ANKRD12: variants seen among roughly 807,000 people sequenced by gnomAD.
ANKRD12 encodes the protein ankyrin repeat domain 12, also known as ankyrin repeat domain-containing protein 12.
In ANKRD12, 85 loss-of-function variants were observed where a neutral mutation model predicts 183.4. That is an observed-to-expected ratio of 0.46 (90% CI 0.39 to 0.56). The LOEUF (loss-of-function observed/expected upper bound fraction) is 0.56. Ranked by LOEUF, ANKRD12 falls within the 20% of genes least tolerant of loss-of-function variation. ANKRD12 has a pLI of 0.00. For missense variants in ANKRD12, 2,405 were observed against 2,357.1 expected, an observed-to-expected ratio of 1.02 and a Z score of -0.42; for synonymous variants, 914 against 800.2, an observed-to-expected ratio of 1.14 and a Z score of -2.40.
intron 1 of ANKRD12, 42 bp from the exon 2 acceptor site, chr18:9,182,340 G>C: frequency 1.4e-5 from 11 of 758,676 alleles, no homozygotes; most frequent in East Asian, 6.0e-5. Flanking sequence ...GTAACCTATT[G>C]TATATATATT....
At chr18:9,216,229 A>G (rs994725935) in intron 6 of ANKRD12, among the ~76,000 whole-genome samples, 4 of 151,986 alleles carry the variant, frequency 2.6e-5, no homozygotes, top group Non-Finnish European at 5.9e-5. Context: ...TCCCTCTGCC[A>G]CCTCTGAGAC....
At chr18:9,223,257 CTCTT>C (rs990916884) in intron 8 of ANKRD12, among the ~76,000 whole-genome samples, 20 of 147,302 alleles carry the variant, frequency 1.4e-4, no homozygotes, top group African/African-American at 4.6e-4. Flanking sequence ...CCACCTCTCT[CTCTT>C]TTTTTTTTTT....
chr18:9,264,340 C>T (rs1018954845), intron 10 of ANKRD12, among the ~76,000 whole-genome samples: 8 of 152,114 alleles, frequency 5.3e-5, no homozygotes, highest in Non-Finnish European at 1.0e-4. Flanking sequence ...AAACCTTTAT[C>T]GGGTTATTTA....
intron 1 of ANKRD12, among the ~76,000 whole-genome samples, chr18:9,164,485 T>C (rs1321738448): frequency 2.6e-5 from 4 of 152,214 alleles, no homozygotes; most frequent in African/African-American, 7.2e-5. Flanking sequence ...CTTTTAGTTG[T>C]GACATTAGGT....
At position 9,203,997 on chromosome 18, in the gene ANKRD12, A is replaced by G. The variant is rs370104552; in HGVS notation, c.236-479A>G. ...AGTAGTAATCACTGTAGTAATTTAT[A>G]CCATTTGAAGTGTATATAATTTGTG... On this transcript the variant is annotated intron_variant, in intron 3 of 12. Coordinates refer to ENST00000262126, the MANE Select transcript of ANKRD12 (RefSeq NM_015208.5). Among the ~76,000 whole-genome samples, 37 of 152,326 alleles carry G rather than the reference A, an allele frequency of 2.4e-4. No individual in the cohort carries two copies. In the South Asian group the frequency reaches 5.4e-3, roughly 22 times the overall value.
At chr18:9,254,123 GCTA>G (rs1187248077) in intron 8 of ANKRD12, 85 bp from the exon 9 acceptor site, 24 of 1,378,968 alleles carry the variant, frequency 1.7e-5, no homozygotes, top group Non-Finnish European at 2.3e-5. Flanking sequence ...TATTGTATAA[GCTA>G]TATCTTTTTC....
intron 1 of ANKRD12, among the ~76,000 whole-genome samples, chr18:9,153,064 C>T (rs2078736091): frequency 6.6e-6 from 1 of 152,270 alleles, no homozygotes; most frequent in South Asian, 2.1e-4. Context: ...CAACTCCTGA[C>T]CTCAAGCAGT....
At chr18:9,247,442 G>A (rs2038027761) in intron 8 of ANKRD12, among the ~76,000 whole-genome samples, 1 of 152,026 alleles carries the variant, frequency 6.6e-6, no homozygotes, top group Non-Finnish European at 1.5e-5. Flanking sequence ...TCGTGCCACT[G>A]CACTCCAGCC....
chr18:9,165,609 G>C (rs1022807096), intron 1 of ANKRD12, among the ~76,000 whole-genome samples: 12 of 152,124 alleles, frequency 7.9e-5, no homozygotes, highest in African/African-American at 2.9e-4. Context: ...TATAGTATTT[G>C]TCCTTTTGTG....
At chr18:9,184,893 T>C (rs187191971) in intron 2 of ANKRD12, among the ~76,000 whole-genome samples, 74 of 152,180 alleles carry the variant, frequency 4.9e-4, no homozygotes, top group African/African-American at 1.3e-3. Flanking sequence ...ATCTCCTCAG[T>C]TGATCTCACG....
rs770581588 is a variant in ANKRD12, at chr18:9,257,457, C to A, written c.4190C>A (p.Thr1397Asn). 1.9e-6 allele frequency: 3 copies of A among 1,613,972 alleles called. No homozygotes were observed. In the African/African-American group the frequency reaches 4.0e-5, roughly 22 times the overall value. The change falls in exon 9 of 13, where the codon ACT (threonine) becomes AAT (asparagine). Residue 1397 changes from threonine to asparagine, a missense_variant. This residue lies in a region of ANKRD12 where 1,983 missense variants were observed against 1,725.9 expected (regional missense o/e 1.15). Coordinates refer to ENST00000262126, the MANE Select transcript of ANKRD12 (RefSeq NM_015208.5). ...ATCAAGAATACTGCCCCAGTGAACA[C>A]TGTAATGGACAGTCCAGTGCATTTA... ...NLIKNTAPVN[T>N]VMDSPVHLEP...
chr18:9,213,997 T>C (rs1331637089), intron 6 of ANKRD12, among the ~76,000 whole-genome samples: 2 of 152,026 alleles, frequency 1.3e-5, no homozygotes, highest in Admixed American at 6.6e-5. Flanking sequence ...TTAATACTTT[T>C]GTCAAATAAT....
chr18:9,225,388 G>A (rs1285449584), intron 8 of ANKRD12, among the ~76,000 whole-genome samples: 2 of 37,318 alleles, frequency 5.4e-5, no homozygotes, highest in Admixed American at 4.0e-4. Flanking sequence ...GTGGGAGAAT[G>A]TCTTGAGCCC....
In ANKRD12 at chr18:9,156,160, A is replaced by G. The variant is rs1404575451; in HGVS notation, c.-52+19195A>G. 6.6e-5 allele frequency among the ~76,000 whole-genome samples: 10 copies of G among 150,994 alleles called. No homozygotes were observed. The South Asian group carries it at 1.5e-3, about 22-fold the overall frequency. On this transcript the variant is annotated intron_variant, in intron 1 of 12. Transcript: ENST00000262126. ...CTCAAAAAAAAAAAAAAAAAAGAAA[A>G]AGACTTTTGACTTTTATGTCACATT...
intron 2 of ANKRD12, among the ~76,000 whole-genome samples, chr18:9,193,783 T>C (rs1380826590): frequency 6.6e-6 from 1 of 152,240 alleles, no homozygotes; most frequent in African/African-American, 2.4e-5. Context: ...TCACTTATTA[T>C]CATAGCTTGG....
At chr18:9,148,668 C>T (rs192493740) in intron 1 of ANKRD12, among the ~76,000 whole-genome samples, 21 of 152,146 alleles carry the variant, frequency 1.4e-4, no homozygotes, top group African/African-American at 4.8e-4. Context: ...CTTGTTTACT[C>T]TTCCACCCCT....
chr18:9,224,384 G>T (rs2036594186), intron 8 of ANKRD12, among the ~76,000 whole-genome samples: 1 of 151,966 alleles, frequency 6.6e-6, no homozygotes, highest in African/African-American at 2.4e-5. Context: ...TGGTCTAATG[G>T]TATAAAAGTA....
intron 8 of ANKRD12, among the ~76,000 whole-genome samples, chr18:9,239,866 T>G (rs1359268464): frequency 1.3e-5 from 2 of 152,110 alleles, no homozygotes; most frequent in Non-Finnish European, 2.9e-5. Flanking sequence ...TAAGAGGGTA[T>G]CATGTACGTA....
chr18:9,271,077 TTTC>T (rs2039578096), intron 10 of ANKRD12, among the ~76,000 whole-genome samples: 1 of 152,086 alleles, frequency 6.6e-6, no homozygotes, highest in Admixed American at 6.6e-5. Flanking sequence ...CTGCAGGGAT[TTTC>T]TTTTGTTTTT....
Sources: gnomAD v4.1 joint callset for allele counts (sites outside exome capture counted in the v4.1 genomes callset) on GRCh38, gnomAD v4.1.1 for gene constraint, gnomAD v4.1.1 regional missense constraint, MANE v1.5 for transcripts, NCBI Gene and HGNC (gene_info 2026-07-23, HGNC 2026-07-21) for gene names.